The following UNC80 variants were observed in gnomAD, a reference collection of about 807,000 sequenced individuals.
UNC80 encodes unc-80 subunit of NALCN channel complex.
A neutral mutation model predicts 384.6 loss-of-function variants in UNC80; 164 were observed. The observed-to-expected ratio is 0.43, with a 90% confidence interval of 0.38 to 0.49. The LOEUF is 0.49. Ranked by LOEUF, UNC80 falls within the 20% of genes least tolerant of loss-of-function variation. The pLI, the probability that UNC80 is intolerant of heterozygous loss-of-function variation, is 0.00. For missense variants in UNC80, 3,330 were observed against 4,143.0 expected (o/e 0.80, Z 5.39); for synonymous variants, 1,486 against 1,527.8 (o/e 0.97, Z 0.64).
At position 209,884,953 on chromosome 2, in the gene UNC80, C is replaced by T. The variant is rs1158117410; in HGVS notation, c.4111-3142C>T. 2.0e-5 allele frequency among the ~76,000 whole-genome samples: 3 copies of T among 151,838 alleles called. No individual in the cohort carries two copies. The East Asian group carries it at 5.8e-4, about 29-fold the overall frequency. Reference sequence around the variant, plus strand: ...ATAAATAGCTAATGCATGCAGGGCTCAATACTTCAGTGAGGGGTTGACAGG... The same window carrying T: ...ATAAATAGCTAATGCATGCAGGGCTTAATACTTCAGTGAGGGGTTGACAGG... On this transcript the variant is annotated intron_variant, in intron 25 of 64. Transcript: ENST00000673920.
In UNC80 at chr2:209,849,530, C is replaced by G. The variant is rs2082377274; in HGVS notation, c.3534C>G (p.Ile1178Met). 17 of 1,550,930 alleles carry G rather than the reference C, an allele frequency of 1.1e-5. No homozygotes were observed. Among genetic ancestry groups the G allele is most frequent in the Non-Finnish European group, 1.5e-5 (17 of 1,146,570 alleles). ...KSKNVVNLGA[I>M]RQGMKRFQFL... is the part of the protein sequence containing the mutation. ...AAAACGTGGTGAATCTTGGAGCAAT[C>G]CGACAAGGCATGAAACGCTTCCAAT... The change falls in exon 22 of 65, where the codon ATC (isoleucine) becomes ATG (methionine). Residue 1178 changes from isoleucine (I) to methionine (M), a missense_variant. Physicochemically the swap from Ile to Met is conservative, Grantham distance 10. Around this residue, in one of 8 missense-constraint regions of UNC80, gnomAD observed 801 missense variants for 950.8 expected, o/e 0.84. Coordinates refer to ENST00000673920, the MANE Select transcript of UNC80 (RefSeq NM_001371986.1).
At chr2:209,925,368 G>A (rs916381797) in intron 35 of UNC80, among the ~76,000 whole-genome samples, 10 of 152,050 alleles carry the variant, frequency 6.6e-5, no homozygotes, top group Non-Finnish European at 1.5e-5. Context: ...GAATGAAGCC[G>A]CGGACCTTCA....
chr2:209,963,553 T>C (rs2125005034), intron 51 of UNC80, among the ~76,000 whole-genome samples: 1 of 152,340 alleles, frequency 6.6e-6, no homozygotes, highest in South Asian at 2.1e-4. Flanking sequence ...CAAGCACTTC[T>C]CAATGTTATC....
At chr2:209,929,843 A>G (rs1187508171) in intron 36 of UNC80, 28 bp from the exon 37 acceptor site, 12 of 1,457,590 alleles carry the variant, frequency 8.2e-6, no homozygotes, top group East Asian at 2.6e-5. Context: ...ATTAAAGACA[A>G]ATGTTCAACT....
In UNC80 at chr2:209,959,299, T is replaced by A. The variant is rs368165143; in HGVS notation, c.7586+145T>A. The A allele has an allele frequency of 1.7e-4, 204 of 1,195,344 alleles. No homozygotes were observed. In the East Asian group the frequency reaches 3.1e-3, roughly 18 times the overall value. The allele number at this position is 1,195,344 out of a possible 1,614,324, so 74.0% of individuals were successfully genotyped here. On this transcript the variant is annotated intron_variant, in intron 50 of 64. Coordinates refer to ENST00000673920, the MANE Select transcript of UNC80 (RefSeq NM_001371986.1). Reference sequence around the variant, plus strand: ...ACCCCCAAAAGTGGGTTTACTACAGTTTGGGATGACAGTCTCTTCTAGGCT... The same window carrying A: ...ACCCCCAAAAGTGGGTTTACTACAGATTGGGATGACAGTCTCTTCTAGGCT...
chr2:209,952,493 C>T (rs1265863539), intron 47 of UNC80, among the ~76,000 whole-genome samples: 1 of 152,216 alleles, frequency 6.6e-6, no homozygotes, highest in Admixed American at 6.5e-5. Context: ...ATATATATTT[C>T]CTCGCAATTA....
chr2:209,951,899 T>A (rs2092206653), intron 47 of UNC80, among the ~76,000 whole-genome samples: 1 of 152,192 alleles, frequency 6.6e-6, no homozygotes, highest in African/African-American at 2.4e-5. Flanking sequence ...TTCCTATCAT[T>A]TCTCCCCTCT....
chr2:209,790,082 T>C (rs1413928420), intron 6 of UNC80, among the ~76,000 whole-genome samples: 1 of 152,100 alleles, frequency 6.6e-6, no homozygotes, highest in Admixed American at 6.5e-5. Flanking sequence ...TAAAGTTTAA[T>C]GAGGGGTCAA....
intron 47 of UNC80, among the ~76,000 whole-genome samples, chr2:209,952,695 C>G (rs905470749): frequency 6.6e-6 from 1 of 152,330 alleles, no homozygotes. Context: ...CAAAAGATAT[C>G]TGCTAGCCTT....
chr2:209,791,665 A>T (rs1163061960), intron 6 of UNC80, among the ~76,000 whole-genome samples: 1 of 151,688 alleles, frequency 6.6e-6, no homozygotes, highest in Non-Finnish European at 1.5e-5. Flanking sequence ...CTAAGAATAC[A>T]AAAAAATTAG....
rs554418588 is a variant in UNC80 at position 209,831,608 on chromosome 2, T to A, written c.2775+17T>A. 1,059 of 1,522,540 alleles carry A rather than the reference T, an allele frequency of 7.0e-4. 1 individual carries two copies. The highest frequency in any genetic ancestry group is 6.4e-4 in the Non-Finnish European group (724 of 1,133,404). 94.3% of individuals were successfully genotyped at this position (1,522,540 alleles called of 1,614,324 possible). A position where few individuals can be genotyped will look rare whatever the true frequency, so the allele number is the denominator to read the frequency against. On this transcript the variant is annotated intron_variant, in intron 16 of 64. Transcript: ENST00000673920. ...GAGAATCTGGTGAGAAGCTCTCCTC[T>A]CTTCCCACAGGAGCTCTCAGTCTCT... is the stretch of plus-strand genomic sequence containing the variant.
At chr2:209,820,705 C>T (rs2080074142) in intron 13 of UNC80, 26 bp downstream of exon 13, 1 of 1,494,870 alleles carries the variant, frequency 6.7e-7, no homozygotes, top group Non-Finnish European at 8.9e-7. Context: ...CTTATGTGTC[C>T]TCATGAAATG....
chr2:209,845,774 T>C (rs571710191), intron 21 of UNC80, among the ~76,000 whole-genome samples: 1 of 152,314 alleles, frequency 6.6e-6, no homozygotes, highest in Non-Finnish European at 1.5e-5. Flanking sequence ...GATATTCCTT[T>C]GGAATTGCTT....
intron 29 of UNC80, among the ~76,000 whole-genome samples, chr2:209,908,463 C>G (rs1311054956): frequency 3.3e-5 from 5 of 152,138 alleles, no homozygotes; most frequent in African/African-American, 4.8e-5. Context: ...ATCACCTTTA[C>G]CAAAGAATTC....
In UNC80 at chr2:209,931,014, A is replaced by T. The variant is rs1223915059; in HGVS notation, c.5954A>T (p.Asp1985Val). The T allele has an allele frequency of 6.4e-7, 1 of 1,550,618 alleles. No individual in the cohort carries two copies. The highest frequency in any genetic ancestry group is 8.7e-7 in the Non-Finnish European group (1 of 1,146,406). ...CGCAAACTTCTCTTGAATATTGGAG[A>T]CTTTCCTGCTCAGACATCTCACATC... ...MLRKLLLNIG[D>V]FPAQTSHILF... Residue 1985 changes from aspartate (D) to valine (V), a missense_variant, in exon 38 of 65, where the codon GAC becomes GTC. Physicochemically the swap from Asp to Val is radical, Grantham distance 152. Around this residue, in one of 8 missense-constraint regions of UNC80, gnomAD observed 1,049 missense variants for 1,488.6 expected, o/e 0.70. Coordinates refer to ENST00000673920, the MANE Select transcript of UNC80 (RefSeq NM_001371986.1).
intron 5 of UNC80, among the ~76,000 whole-genome samples, chr2:209,787,696 G>A (rs2077527671): frequency 1.3e-5 from 2 of 152,142 alleles, no homozygotes. Context: ...CGCGCTGCCT[G>A]TTTTATAAAA....
At chr2:209,933,147 TATTTC>T (rs1442173728) in intron 38 of UNC80, among the ~76,000 whole-genome samples, 1 of 152,208 alleles carries the variant, frequency 6.6e-6, no homozygotes, top group African/African-American at 2.4e-5. Context: ...GTCCTCATCT[TATTTC>T]AATGTATAGA....
intron 61 of UNC80, among the ~76,000 whole-genome samples, chr2:209,990,557 A>C (rs1159915079): frequency 1.3e-5 from 2 of 152,190 alleles, no homozygotes; most frequent in African/African-American, 4.8e-5. Flanking sequence ...GTATTAGGAG[A>C]AGCTTGTTTC....
rs566554971 is a variant in UNC80, at chr2:209,943,607, C to A, written c.7050+93C>A. 3.5e-6 allele frequency: 5 copies of A among 1,426,192 alleles called. No individual in the cohort carries two copies. In the South Asian group the frequency reaches 6.5e-5, roughly 19 times the overall value. The allele number at this position is 1,426,192 out of a possible 1,614,324, so 88.3% of individuals were successfully genotyped here. ...GAGCTTACTATGGCAAGGGAGTTGG[C>A]TACCATCACTTGTGTTTTGGCAGAG... On this transcript the variant is annotated intron_variant, in intron 45 of 64. Transcript: ENST00000673920.
Sources: allele counts gnomAD v4.1 joint callset (sites outside exome capture counted in the v4.1 genomes callset), GRCh38; gene constraint gnomAD v4.1.1; regional missense constraint gnomAD v4.1.1; transcripts MANE v1.5; gene names NCBI Gene and HGNC (gene_info 2026-07-23, HGNC 2026-07-21).